AGBL1: variants seen among roughly 807,000 people sequenced by gnomAD.
The protein encoded by AGBL1 is AGBL carboxypeptidase 1, also known as cytosolic carboxypeptidase 4.
AGBL1 carries 130 observed loss-of-function variants against 118.9 expected under a neutral mutation model. That is an observed-to-expected ratio of 1.09 (90% CI 0.95 to 1.26). AGBL1 has a LOEUF of 1.26. Ranked by LOEUF, AGBL1 falls within the 50% of genes most tolerant of loss-of-function variation. The pLI, the probability that AGBL1 is intolerant of heterozygous loss-of-function variation, is 0.00. For missense variants in AGBL1, 1,584 were observed against 1,298.1 expected (o/e 1.22, Z -3.38); for synonymous variants, 555 against 478.9 (o/e 1.16, Z -2.08).
At chr15:86,747,949 G>A (rs2077782093) in intron 22 of AGBL1, among the ~76,000 whole-genome samples, 1 of 152,168 alleles carries the variant, frequency 6.6e-6, no homozygotes, top group Non-Finnish European at 1.5e-5. Context: ...ACGTGTGCAT[G>A]TGACTTTATA....
chr15:86,378,951 C>T (rs1258113134), intron 17 of AGBL1, among the ~76,000 whole-genome samples: 7 of 148,884 alleles, frequency 4.7e-5, no homozygotes, highest in African/African-American at 1.5e-4. Context: ...TCACTCTTGT[C>T]ACCCAGGCTG....
intron 23 of AGBL1, among the ~76,000 whole-genome samples, chr15:86,968,274 A>G (rs550519263): frequency 6.6e-6 from 1 of 151,764 alleles, no homozygotes; most frequent in African/African-American, 2.4e-5. Flanking sequence ...ATAGTCTCTG[A>G]GTTTCATATT....
intron 18 of AGBL1, among the ~76,000 whole-genome samples, chr15:86,457,693 G>C (rs1421078753): frequency 6.6e-6 from 1 of 152,168 alleles, no homozygotes; most frequent in African/African-American, 2.4e-5. Flanking sequence ...TATCTTCCCA[G>C]TAGTCACATT....
intron 22 of AGBL1, among the ~76,000 whole-genome samples, chr15:86,786,431 G>C (rs1173238753): frequency 6.6e-6 from 1 of 151,834 alleles, no homozygotes; most frequent in African/African-American, 2.4e-5. Context: ...AAAGGATATT[G>C]GGTACAATTA....
intron 1 of AGBL1, among the ~76,000 whole-genome samples, chr15:86,100,402 C>T (rs1044300816): frequency 3.3e-5 from 5 of 151,976 alleles, no homozygotes; most frequent in Admixed American, 2.0e-4. Flanking sequence ...GAGAAGAACT[C>T]GTGTTGTTAG....
At chr15:87,019,146 A>T (rs2081636996) in intron 24 of AGBL1, among the ~76,000 whole-genome samples, 1 of 152,172 alleles carries the variant, frequency 6.6e-6, no homozygotes, top group Non-Finnish European at 1.5e-5. Flanking sequence ...CTACAAAAAG[A>T]CTTAGACTAA....
intron 21 of AGBL1, chr15:86,556,227 C>T: frequency 6.2e-7 from 1 of 1,612,636 alleles, no homozygotes; most frequent in Non-Finnish European, 8.5e-7. Flanking sequence ...GTGCAGTGTA[C>T]ACAGAGGCTG....
chr15:86,314,963 G>A (rs943403836), intron 17 of AGBL1, among the ~76,000 whole-genome samples: 1 of 152,100 alleles, frequency 6.6e-6, no homozygotes, highest in African/African-American at 2.4e-5. Flanking sequence ...TCTAAGCTTC[G>A]GGTTCCTTAT....
chr15:86,375,256 T>A (rs2081026567), intron 17 of AGBL1, among the ~76,000 whole-genome samples: 1 of 152,160 alleles, frequency 6.6e-6, no homozygotes, highest in African/African-American at 2.4e-5. Flanking sequence ...TGGCAAGGCC[T>A]CAGGACACTT....
At chr15:86,579,740 C>T (rs118090315) in intron 21 of AGBL1, among the ~76,000 whole-genome samples, 2,718 of 152,210 alleles carry the variant, frequency 0.018, 43 homozygotes, top group East Asian at 0.05. Flanking sequence ...GGCAGGGAGA[C>T]CAGTCAGAAG....
intron 1 of AGBL1, among the ~76,000 whole-genome samples, chr15:86,121,991 G>C (rs1441389516): frequency 6.6e-6 from 1 of 152,204 alleles, no homozygotes; most frequent in Non-Finnish European, 1.5e-5. Context: ...TTTCAACTCA[G>C]AAAGCAATTT....
intron 22 of AGBL1, among the ~76,000 whole-genome samples, chr15:86,902,929 G>T (rs958890945): frequency 2.0e-5 from 3 of 152,084 alleles, no homozygotes; most frequent in African/African-American, 7.2e-5. Flanking sequence ...TAAGTTTCTT[G>T]TATCTGTAGG....
intron 22 of AGBL1, among the ~76,000 whole-genome samples, chr15:86,779,920 A>AACACAC (rs201278408): frequency 1.7e-3 from 181 of 106,886 alleles, no homozygotes; most frequent in African/African-American, 4.4e-3. Context: ...ACACCCCCCC[A>AACACAC]ACACACACAC....
Position 86,471,004 on chromosome 15 carries a change from A to G in AGBL1, c.2556-51806A>G, listed in dbSNP as rs535188778. Among the ~76,000 whole-genome samples the G allele has an allele frequency of 1.3e-4, 20 of 152,164 alleles. No homozygotes were observed. The South Asian group carries it at 4.1e-3, about 32-fold the overall frequency. On this transcript the variant is annotated intron_variant, in intron 18 of 22. Coordinates refer to ENST00000614907, the MANE Select transcript of AGBL1 (RefSeq NM_001386094.1). ...TTTTACTTATTCCTTTTCAATTTTTATGCCTTTTATTTCCTTTTCTTGCCA... is the reference window on the plus strand; with the variant it reads ...TTTTACTTATTCCTTTTCAATTTTTGTGCCTTTTATTTCCTTTTCTTGCCA...
chr15:86,313,480 A>C (rs977316), intron 17 of AGBL1, among the ~76,000 whole-genome samples: 1 of 152,044 alleles, frequency 6.6e-6, no homozygotes, highest in Non-Finnish European at 1.5e-5. Context: ...AATCAATAAC[A>C]ATTTCTAATT....
chr15:86,594,111 G>A (rs183738455), intron 21 of AGBL1, among the ~76,000 whole-genome samples: 68 of 152,044 alleles, frequency 4.5e-4, no homozygotes, highest in African/African-American at 1.6e-3. Context: ...TTTTAATAGA[G>A]ATGAAGTCTT....
At chr15:86,782,566 G>A (rs1379842588) in intron 22 of AGBL1, among the ~76,000 whole-genome samples, 2 of 152,112 alleles carry the variant, frequency 1.3e-5, no homozygotes, top group Non-Finnish European at 2.9e-5. Flanking sequence ...TGATGAGACT[G>A]GTGGTTAGAC....
chr15:86,777,025 C>T (rs548548465), intron 22 of AGBL1, among the ~76,000 whole-genome samples: 7 of 151,980 alleles, frequency 4.6e-5, no homozygotes, highest in African/African-American at 1.7e-4. Context: ...TAGAGGATTA[C>T]TGCTCACATT....
intron 24 of AGBL1, among the ~76,000 whole-genome samples, chr15:87,013,267 C>G (rs16939704): frequency 0.1 from 15,653 of 152,026 alleles, 1,609 homozygotes; most frequent in African/African-American, 0.27. Flanking sequence ...AAAGGTCTGG[C>G]AAGACAGGAA....
Sources: allele counts gnomAD v4.1 joint callset (sites outside exome capture counted in the v4.1 genomes callset), GRCh38; gene constraint gnomAD v4.1.1; transcripts MANE v1.5; gene names NCBI Gene and HGNC (gene_info 2026-07-23, HGNC 2026-07-21).